Variants in ACAN observed in about 807,000 individuals in gnomAD.
The protein encoded by ACAN is aggrecan.
In ACAN, 47 loss-of-function variants were observed where a neutral mutation model predicts 169.1. The observed-to-expected ratio is 0.28, with a 90% confidence interval of 0.22 to 0.35. The LOEUF is 0.35. Among genes scored for constraint, ACAN ranks in the 10% least tolerant of loss-of-function variants. The pLI is 1.00. For missense variants in ACAN, 2,716 were observed against 2,759.9 expected (o/e 0.98, Z 0.36); for synonymous variants, 1,115 against 1,112.2 (o/e 1.00, Z -0.05).
chr15:88,874,197 G>A lies in ACAN; in HGVS notation c.7630+173G>A, dbSNP rs563854844. On this transcript the variant is annotated intron_variant, in intron 18 of 18. Transcript: ENST00000560601. The surrounding 1 kb of genome is among the most constrained non-coding windows in gnomAD (Gnocchi z 7.3). ...TGACCACTGCCCTTAGAAGGGCCAC[G>A]TACTTGTCCCAGGAGAGGGCTCACT... 1.6e-5 allele frequency: 17 copies of A among 1,057,666 alleles called. No homozygotes were observed. Among genetic ancestry groups the A allele is most frequent in the Admixed American group, 4.0e-5 (2 of 50,138 alleles). 65.5% of individuals were successfully genotyped at this position (1,057,666 alleles called of 1,614,324 possible).
chr15:88,824,096 A>G (rs1221094455), intron 1 of ACAN, among the ~76,000 whole-genome samples: 2 of 152,144 alleles, frequency 1.3e-5, no homozygotes, highest in African/African-American at 2.4e-5. Context: ...AGGCCGAGGC[A>G]GGCAGACCAC....
chr15:88,835,530 C>T (rs1002078950), intron 1 of ACAN, among the ~76,000 whole-genome samples: 3 of 152,194 alleles, frequency 2.0e-5, no homozygotes, highest in Non-Finnish European at 4.4e-5. Context: ...ACCAGGAGAC[C>T]TGGTGGTGTA....
intron 1 of ACAN, among the ~76,000 whole-genome samples, chr15:88,825,428 G>A (rs887433076): frequency 6.6e-6 from 1 of 152,148 alleles, no homozygotes. Flanking sequence ...TGAAAATTCT[G>A]GCCAAAGGTG....
In ACAN at chr15:88,838,796, A is replaced by C. The variant is rs372041880; in HGVS notation, c.204A>C (p.Pro68=). 5,666 of 1,613,892 alleles carry C rather than the reference A, an allele frequency of 3.5e-3. 202 individuals are homozygous for C. In the South Asian group the frequency reaches 0.057, roughly 16 times the overall value. The change falls in exon 3 of 19, where the codon CCA becomes CCC. Residue 68 remains proline (P), a synonymous_variant. Transcript: ENST00000560601. This position sits in a 1 kb window ranked among gnomAD's most constrained non-coding sequence, Gnocchi z 5.1. The part of the protein sequence containing the change: ...HPVTTAPSTA[P]LAPRIKWSRV... The stretch of plus-strand genomic sequence containing the variant: ...TGACCACCGCCCCTTCTACCGCCCC[A>C]CTGGCCCCAAGAATCAAGTGGAGCC...
Position 88,874,215 on chromosome 15 carries a change from GGCTC to G in ACAN, c.7631-189_7631-186del, listed in dbSNP as rs1054517593. On this transcript the variant is annotated intron_variant, in intron 18 of 18. Coordinates refer to ENST00000560601, the MANE Select transcript of ACAN (RefSeq NM_001369268.1). The surrounding 1 kb of genome is among the most constrained non-coding windows in gnomAD (Gnocchi z 7.3). ...GGGCCACGTACTTGTCCCAGGAGAG[GGCTC>G]ACTTGGAGGATGAAGGAGAAAAAGC... Among the ~76,000 whole-genome samples the G allele has an allele frequency of 1.3e-4, 20 of 152,148 alleles. No homozygotes were observed. The highest frequency in any genetic ancestry group is 4.6e-4 in the African/African-American group (19 of 41,426).
intron 13 of ACAN, among the ~76,000 whole-genome samples, chr15:88,867,349 GCCTGTAT>G (rs1897296120): frequency 2.0e-5 from 3 of 152,208 alleles, no homozygotes; most frequent in African/African-American, 7.2e-5. Context: ...ATGGGGATGT[GCCTGTAT>G]CCCAGACTGG....
chr15:88,832,329 G>T (rs1896385448), intron 1 of ACAN, among the ~76,000 whole-genome samples: 1 of 151,630 alleles, frequency 6.6e-6, no homozygotes, highest in African/African-American at 2.4e-5. Context: ...GACTAGAATG[G>T]CCAGGTACCA....
At chr15:88,840,969 C>A (rs777170855) in intron 4 of ACAN, among the ~76,000 whole-genome samples, 1 of 152,052 alleles carries the variant, frequency 6.6e-6, no homozygotes, top group South Asian at 2.1e-4. Context: ...ATGGTGAAAC[C>A]CCATCTCTAC....
In ACAN at chr15:88,841,910, A is replaced by G. The variant is rs139149409; in HGVS notation, c.757+43A>G. On this transcript the variant is annotated intron_variant, in intron 5 of 18. Coordinates refer to ENST00000560601, the MANE Select transcript of ACAN (RefSeq NM_001369268.1). ...CCAGGAGGCACCCAGCTCCCTTCCC[A>G]AGGCCACCTTCCCCTCCCCATCTCC... 4.4e-4 allele frequency: 715 copies of G among 1,610,032 alleles called. 4 individuals carry two copies. In the African/African-American group the frequency reaches 8.3e-3, roughly 19 times the overall value.
chr15:88,821,047 G>A (rs1488271158), intron 1 of ACAN, among the ~76,000 whole-genome samples: 1 of 152,156 alleles, frequency 6.6e-6, no homozygotes, highest in Non-Finnish European at 1.5e-5. Flanking sequence ...CAGACTTCAT[G>A]AGAACTCATC....
chr15:88,847,308 G>A lies in ACAN; in HGVS notation c.1495G>A (p.Ala499Thr), dbSNP rs1234512437. The change falls in exon 8 of 19, where the codon GCC becomes ACC. Residue 499 changes from alanine (A) to threonine (T), a missense_variant. Around this residue, in one of 3 missense-constraint regions of ACAN, gnomAD observed 1,283 missense variants for 1,281.5 expected, o/e 1.00. Coordinates refer to ENST00000560601, the MANE Select transcript of ACAN (RefSeq NM_001369268.1). Reference sequence around the variant, plus strand: ...GCTGACCTTTGAGGAGGCACAGCAGGCCTGCCTGCGCACGGGGGCGGTCAT... The same window carrying A: ...GCTGACCTTTGAGGAGGCACAGCAGACCTGCCTGCGCACGGGGGCGGTCAT... ...YSLTFEEAQQ[A>T]CLRTGAVIAS... 1 of 1,574,254 alleles carries A rather than the reference G, an allele frequency of 6.4e-7. No homozygotes were observed. Among genetic ancestry groups the A allele is most frequent in the Non-Finnish European group, 8.6e-7 (1 of 1,161,136 alleles).
rs1897134558 is a variant in ACAN, at chr15:88,859,042, A to G, written c.6457A>G (p.Thr2153Ala). ...CTCTGGCCTAGGAGTGAGCGGCAGC[A>G]CTTTGACATTTCAAGAAGGCGAGGC... ...RSSGLGVSGS[T>A]LTFQEGEASA... Residue 2153 changes from threonine (T) to alanine (A), a missense_variant, in exon 12 of 19, where the codon ACT becomes GCT. Physicochemically the swap from Thr to Ala is moderately conservative, Grantham distance 58. Around this residue, in one of 3 missense-constraint regions of ACAN, gnomAD observed 1,389 missense variants for 1,363.7 expected, o/e 1.02. Transcript: ENST00000560601. 1 of 1,613,950 alleles carries G rather than the reference A, an allele frequency of 6.2e-7. No individual in the cohort carries two copies. Among genetic ancestry groups the G allele is most frequent in the Non-Finnish European group, 8.5e-7 (1 of 1,179,884 alleles).
At chr15:88,846,266 C>A (rs572681706) in intron 7 of ACAN, among the ~76,000 whole-genome samples, 337 of 152,270 alleles carry the variant, frequency 2.2e-3, no homozygotes, top group South Asian at 6.4e-3. Flanking sequence ...CTTGGATGAC[C>A]CCTGAGGCCT....
chr15:88,840,286 C>T, intron 4 of ACAN, 100 bp downstream of exon 4: 1 of 1,379,654 alleles, frequency 7.2e-7, no homozygotes, highest in Non-Finnish European at 9.6e-7. Context: ...GAGCTGGTGC[C>T]AGCATGACAC....
In ACAN at chr15:88,839,712, T is replaced by A. The variant is rs1051112621; in HGVS notation, c.455-300T>A. 6.6e-6 allele frequency among the ~76,000 whole-genome samples: 1 copy of A among 152,016 alleles called. No individual in the cohort carries two copies. Among genetic ancestry groups the A allele is most frequent in the Admixed American group, 6.5e-5 (1 of 15,272 alleles). On this transcript the variant is annotated intron_variant, in intron 3 of 18. Transcript: ENST00000560601. The surrounding 1 kb of genome is among the most constrained non-coding windows in gnomAD (Gnocchi z 4.5). ...TTAATGCAATATGGGGGTCTTGGAG[T>A]GATAAGAAAAAATTATAAGGAGGCA...
intron 1 of ACAN, among the ~76,000 whole-genome samples, chr15:88,818,110 A>G (rs1197018946): frequency 1.3e-5 from 2 of 152,200 alleles, no homozygotes; most frequent in South Asian, 4.1e-4. Context: ...TGACTATTCT[A>G]TGTGCCAGGC....
intron 1 of ACAN, among the ~76,000 whole-genome samples, chr15:88,831,076 G>A (rs1444760391): frequency 2.0e-5 from 3 of 152,202 alleles, no homozygotes; most frequent in Admixed American, 2.0e-4. Context: ...GTCTCACCTC[G>A]TTGATAGTGT....
chr15:88,849,880 C>G lies in ACAN; in HGVS notation c.2026+149C>G, dbSNP rs1405594380. The G allele has an allele frequency of 8.6e-7, 1 of 1,163,406 alleles. No homozygotes were observed. Among genetic ancestry groups the G allele is most frequent in the African/African-American group, 1.5e-5 (1 of 65,614 alleles). 72.1% of individuals were successfully genotyped at this position (1,163,406 alleles called of 1,614,324 possible). On this transcript the variant is annotated intron_variant, in intron 10 of 18. Transcript: ENST00000560601. This position sits in a 1 kb window ranked among gnomAD's most constrained non-coding sequence, Gnocchi z 5.1. The stretch of plus-strand genomic sequence containing the variant: ...GGCAGAGCCAGCTCTGAAACCAGCA[C>G]AACGCAGGCTTTGACCCCAAGGCAA...
chr15:88,863,462 T>A (rs1041547746), intron 13 of ACAN, among the ~76,000 whole-genome samples: 1 of 152,218 alleles, frequency 6.6e-6, no homozygotes, highest in African/African-American at 2.4e-5. Flanking sequence ...TTGGTATTTT[T>A]AAAAAATCTT....
Sources: allele counts gnomAD v4.1 joint callset (sites outside exome capture counted in the v4.1 genomes callset), GRCh38; gene constraint gnomAD v4.1.1; regional missense constraint gnomAD v4.1.1; non-coding constraint Gnocchi (gnomAD v3.1); transcripts MANE v1.5; gene names NCBI Gene and HGNC (gene_info 2026-07-23, HGNC 2026-07-21).